Variants in NRG1 observed in about 807,000 individuals in gnomAD.
The protein encoded by NRG1 is neuregulin 1.
NRG1 carries 18 observed loss-of-function variants against 63.8 expected under a neutral mutation model. The ratio of observed to expected loss-of-function variants is 0.28; its 90% CI spans 0.19 to 0.42. The LOEUF is 0.42. NRG1 is among the 10% of genes least tolerant of loss of function. The probability of loss-of-function intolerance (pLI) is 1.00; values close to 1 mark genes in which losing one functional copy is unlikely to be tolerated. For synonymous variants in NRG1, 302 were observed against 301.3 expected (o/e 1.00, Z -0.02); for missense variants, 762 against 814.7 (o/e 0.94, Z 0.79).
intron 5 of NRG1, among the ~76,000 whole-genome samples, chr8:32,636,587 G>T (rs549780808): frequency 6.6e-6 from 1 of 152,094 alleles, no homozygotes; most frequent in Non-Finnish European, 1.5e-5. Context: ...TAACCTTTCA[G>T]ATTTTTTCAG....
intron 1 of NRG1, among the ~76,000 whole-genome samples, chr8:32,577,500 T>A: frequency 6.6e-6 from 1 of 152,220 alleles, no homozygotes; most frequent in African/African-American, 2.4e-5. Flanking sequence ...AAAACAAAAC[T>A]CATTTTGCAA....
At position 32,653,998 on chromosome 8, in the gene NRG1, T is replaced by C. The variant is rs184544370; in HGVS notation, c.502+37113T>C. Among the ~76,000 whole-genome samples, 275 of 152,152 alleles carry C rather than the reference T, an allele frequency of 1.8e-3. 1 individual carries two copies. Among genetic ancestry groups the C allele is most frequent in the African/African-American group, 6.3e-3 (261 of 41,540 alleles). ...TGTGTGTAGACATTCAAAGGGTGTT[T>C]CTGAATAATATAACTAGTATCTTAT... On this transcript the variant is annotated intron_variant, in intron 5 of 11. Coordinates refer to ENST00000356819, the Ensembl canonical transcript of NRG1.
chr8:32,554,929 CTT>C (rs71541826), intron 1 of NRG1, among the ~76,000 whole-genome samples: 1 of 145,804 alleles, frequency 6.9e-6, no homozygotes, highest in Non-Finnish European at 1.5e-5. Flanking sequence ...CTCTCTCTCT[CTT>C]TTTTTTTTTA....
At chr8:32,165,860 T>A (rs1325856486) in intron 1 of NRG1, among the ~76,000 whole-genome samples, 2 of 152,034 alleles carry the variant, frequency 1.3e-5, no homozygotes, top group African/African-American at 4.8e-5. Flanking sequence ...ACCAAGAAAA[T>A]CAAGTATCAT....
At chr8:31,721,120 C>A (rs1045121287) in intron 1 of NRG1, among the ~76,000 whole-genome samples, 1 of 152,052 alleles carries the variant, frequency 6.6e-6, no homozygotes, top group African/African-American at 2.4e-5. Flanking sequence ...CCCATTGGTA[C>A]CAGATTTGGT....
At chr8:32,716,301 T>TCTACA (rs1291933083) in intron 5 of NRG1, among the ~76,000 whole-genome samples, 4 of 152,198 alleles carry the variant, frequency 2.6e-5, no homozygotes, top group African/African-American at 9.6e-5. Flanking sequence ...CTTTGACTCT[T>TCTACA]CTACAGGAAC....
intron 1 of NRG1, among the ~76,000 whole-genome samples, chr8:32,186,460 C>CAA (rs748750103): frequency 3.3e-4 from 17 of 52,076 alleles, no homozygotes; most frequent in African/African-American, 8.0e-4. Flanking sequence ...GACTCCGTCT[C>CAA]AAAAAAAAAA....
At chr8:31,796,742 G>A (rs1299932379) in intron 1 of NRG1, among the ~76,000 whole-genome samples, 1 of 152,050 alleles carries the variant, frequency 6.6e-6, no homozygotes, top group Non-Finnish European at 1.5e-5. Flanking sequence ...CGGCCAGAAG[G>A]TGGAGTGCTA....
intron 1 of NRG1, among the ~76,000 whole-genome samples, chr8:31,709,056 G>A (rs1585823381): frequency 6.6e-6 from 1 of 151,712 alleles, no homozygotes; most frequent in Non-Finnish European, 1.5e-5. Flanking sequence ...AAATCTCCAA[G>A]CAATTTTTAT....
intron 1 of NRG1, among the ~76,000 whole-genome samples, chr8:32,398,772 C>T (rs1483217461): frequency 6.6e-6 from 1 of 151,992 alleles, no homozygotes; most frequent in African/African-American, 2.4e-5. Flanking sequence ...AACAGTTGGC[C>T]TGGGTGGTGC....
chr8:32,579,911 T>C (rs1840339732), intron 1 of NRG1, among the ~76,000 whole-genome samples: 1 of 152,140 alleles, frequency 6.6e-6, no homozygotes, highest in South Asian at 2.1e-4. Context: ...CTTTTTCGGC[T>C]TCTAGAGGGG....
intron 1 of NRG1, among the ~76,000 whole-genome samples, chr8:32,562,844 G>A (rs1836711077): frequency 2.0e-5 from 3 of 152,140 alleles, no homozygotes; most frequent in Admixed American, 2.0e-4. Flanking sequence ...TATGATTTGG[G>A]CAATCATTTA....
intron 1 of NRG1, among the ~76,000 whole-genome samples, chr8:31,957,736 A>G (rs1442145032): frequency 6.6e-6 from 1 of 152,196 alleles, no homozygotes; most frequent in Non-Finnish European, 1.5e-5. Flanking sequence ...ACATTTGTCT[A>G]GTGGCTCCTG....
chr8:32,423,958 C>T (rs34828085), intron 1 of NRG1, among the ~76,000 whole-genome samples: 9,431 of 152,114 alleles, frequency 0.062, 357 homozygotes, highest in Middle Eastern at 0.088. Context: ...TATTTTGAGC[C>T]GATATTTGGA....
intron 1 of NRG1, among the ~76,000 whole-genome samples, chr8:32,188,333 C>T (rs1259884614): frequency 1.3e-5 from 2 of 152,204 alleles, no homozygotes; most frequent in Middle Eastern, 3.2e-3. Flanking sequence ...TCCCAAAGAG[C>T]TGGGATTACA....
chr8:32,371,363 G>A (rs1587148461), intron 1 of NRG1, among the ~76,000 whole-genome samples: 2 of 152,316 alleles, frequency 1.3e-5, no homozygotes, highest in South Asian at 4.1e-4. Flanking sequence ...CTGTGACTGC[G>A]TGGTCTTTGT....
intron 1 of NRG1, among the ~76,000 whole-genome samples, chr8:31,855,150 C>G (rs1399334228): frequency 6.6e-6 from 1 of 152,022 alleles, no homozygotes; most frequent in Non-Finnish European, 1.5e-5. Context: ...GAGCTGAGTT[C>G]AATTCCTGGG....
At position 32,764,213 on chromosome 8, in the gene NRG1, A is replaced by C. The variant is rs769451751; in HGVS notation, c.1725A>C (p.Glu575Asp). ...GCAGTAACTCAGAGAGTGAAACAGAAGATGAAAGAGTAGGTGAAGATACGC... is the reference window on the plus strand; with the variant it reads ...GCAGTAACTCAGAGAGTGAAACAGACGATGAAAGAGTAGGTGAAGATACGC... Residue 575 changes from glutamate (E) to aspartate (D), a missense_variant, in exon 12 of 12, where the codon GAA (glutamate) becomes GAC (aspartate). Around this residue, in one of 3 missense-constraint regions of NRG1, gnomAD observed 503 missense variants for 506.8 expected, o/e 0.99. Transcript: ENST00000356819. 2.5e-6 allele frequency: 4 copies of C among 1,614,044 alleles called. No homozygotes were observed. In the Admixed American group the frequency reaches 6.7e-5, roughly 27 times the overall value.
At chr8:32,030,284 TG>T (rs1440322625) in intron 1 of NRG1, 1 of 152,140 alleles carries the variant, frequency 6.6e-6, no homozygotes, top group Non-Finnish European at 1.5e-5. Context: ...TTTGAGAGGA[TG>T]GGGATCTGTG....
Sources: gnomAD v4.1 joint callset for allele counts (sites outside exome capture counted in the v4.1 genomes callset) on GRCh38, gnomAD v4.1.1 for gene constraint, gnomAD v4.1.1 regional missense constraint, MANE v1.5 for transcripts, NCBI Gene and HGNC (gene_info 2026-07-23, HGNC 2026-07-21) for gene names.